GAB1: variants seen among roughly 807,000 people sequenced by gnomAD.
The protein encoded by GAB1 is GRB2-associated-binding protein 1.
In GAB1, 19 loss-of-function variants were observed where a neutral mutation model predicts 66.5. That is an observed-to-expected ratio of 0.29 (90% CI 0.20 to 0.42). The LOEUF is 0.42. GAB1 is among the 10% of genes least tolerant of loss of function. The probability of loss-of-function intolerance (pLI) is 1.00; values close to 1 mark genes in which losing one functional copy is unlikely to be tolerated. For synonymous variants in GAB1, 294 were observed against 301.4 expected, an observed-to-expected ratio of 0.98 and a Z score of 0.25; for missense variants, 732 against 858.5, an observed-to-expected ratio of 0.85 and a Z score of 1.84.
chr4:143,359,191 T>C (rs1223254073), intron 1 of GAB1, among the ~76,000 whole-genome samples: 1 of 152,224 alleles, frequency 6.6e-6, no homozygotes, highest in Non-Finnish European at 1.5e-5. Context: ...GCCATTTCCG[T>C]TTTCTCTGAG....
At chr4:143,444,578 T>C (rs947819594) in intron 6 of GAB1, among the ~76,000 whole-genome samples, 3 of 152,188 alleles carry the variant, frequency 2.0e-5, no homozygotes, top group African/African-American at 7.2e-5. Flanking sequence ...TGATTAAAAA[T>C]TAACATGCAC....
Position 143,401,687 on chromosome 4 carries a change from C to T in GAB1, c.73-13790C>T, listed in dbSNP as rs188041643. ...AAAATTAAGGAATTAAAAATTTAAA[C>T]CTGCCTCAGAAGGTTGTATGGCTCC... is the stretch of plus-strand genomic sequence containing the variant. On this transcript the variant is annotated intron_variant, in intron 1 of 9. Coordinates refer to ENST00000262994, the MANE Select transcript of GAB1 (RefSeq NM_002039.4). 5.8e-3 allele frequency among the ~76,000 whole-genome samples: 890 copies of T among 152,174 alleles called. 8 individuals carry two copies. Among genetic ancestry groups the T allele is most frequent in the South Asian group, 0.015 (71 of 4,820 alleles).
At chr4:143,345,926 C>T (rs1728971762) in intron 1 of GAB1, among the ~76,000 whole-genome samples, 1 of 152,228 alleles carries the variant, frequency 6.6e-6, no homozygotes, top group Admixed American at 6.5e-5. Context: ...GACAGGGTCT[C>T]TACATTCCCC....
chr4:143,425,324 T>C (rs1408851744), intron 2 of GAB1: 4 of 790,588 alleles, frequency 5.1e-6, no homozygotes, highest in Non-Finnish European at 9.0e-6. Context: ...AGTTTGCTGC[T>C]GCCACTGGAG....
chr4:143,375,186 G>A (rs898489286), intron 1 of GAB1, among the ~76,000 whole-genome samples: 1 of 152,190 alleles, frequency 6.6e-6, no homozygotes. Flanking sequence ...GAGCTCAGGC[G>A]ATGTGCCCGC....
At chr4:143,389,472 C>T (rs753417272) in intron 1 of GAB1, among the ~76,000 whole-genome samples, 20 of 152,158 alleles carry the variant, frequency 1.3e-4, no homozygotes, top group Non-Finnish European at 2.6e-4. Flanking sequence ...ACAGCAGGCG[C>T]TTGTAGCATA....
At chr4:143,368,909 C>T (rs552400266) in intron 1 of GAB1, among the ~76,000 whole-genome samples, 381 of 152,156 alleles carry the variant, frequency 2.5e-3, no homozygotes, top group Non-Finnish European at 4.6e-3. Flanking sequence ...CTTAGCCTCC[C>T]GAGTAGCTGA....
rs35559967 is a variant in GAB1 at position 143,423,792 on chromosome 4, G to GTATATATATATATA, written c.367+8053_367+8066dup. Among the ~76,000 whole-genome samples the GTATATATATATATA allele has an allele frequency of 6.6e-4, 45 of 67,754 alleles. 1 individual carries two copies. The highest frequency in any genetic ancestry group is 9.1e-4 in the South Asian group (1 of 1,096). 44.4% of individuals were successfully genotyped at this position (67,754 alleles called of 152,430 possible). On this transcript the variant is annotated intron_variant, in intron 2 of 9. Coordinates refer to ENST00000262994, the MANE Select transcript of GAB1 (RefSeq NM_002039.4). ...CTCCATCTCAAAAAAAAAAAAAAGT[G>GTATATATATATATA]TATATATATATATATATATATATAT...
At chr4:143,468,116 G>A (rs746506173) in intron 9 of GAB1, among the ~76,000 whole-genome samples, 8 of 151,940 alleles carry the variant, frequency 5.3e-5, no homozygotes, top group Non-Finnish European at 7.4e-5. Context: ...AAGTTGACAG[G>A]AGAATCAGGT....
intron 1 of GAB1, among the ~76,000 whole-genome samples, chr4:143,414,727 A>T (rs1192924027): frequency 6.6e-6 from 1 of 152,242 alleles, no homozygotes; most frequent in Non-Finnish European, 1.5e-5. Context: ...CTTATGAAGA[A>T]GCAGCTTTAT....
chr4:143,440,048 G>A (rs1734139277), intron 5 of GAB1, 31 bp from the exon 6 acceptor site: 3 of 1,576,664 alleles, frequency 1.9e-6, no homozygotes, highest in East Asian at 2.3e-5. Context: ...AAGAGTTTTT[G>A]TTTATTAAAA....
At chr4:143,405,892 A>G (rs558869440) in intron 1 of GAB1, among the ~76,000 whole-genome samples, 1 of 152,286 alleles carries the variant, frequency 6.6e-6, no homozygotes, top group South Asian at 2.1e-4. Flanking sequence ...TCCAAATGGA[A>G]AAGATGAGTT....
At chr4:143,455,908 A>G (rs946350914) in intron 6 of GAB1, among the ~76,000 whole-genome samples, 2 of 152,180 alleles carry the variant, frequency 1.3e-5, no homozygotes, top group Non-Finnish European at 2.9e-5. Context: ...AAGGTAAGAC[A>G]GTGTGGTATA....
Position 143,431,308 on chromosome 4 carries a change from CAG to C in GAB1, c.368-2180_368-2179del, listed in dbSNP as rs1233071412. ...AATTTCTGGGGTTTCATGAGGAAAA[CAG>C]AGGTCTCTCCCCTCTCATGCAAGAA... On this transcript the variant is annotated intron_variant, in intron 2 of 9. Transcript: ENST00000262994. Among the ~76,000 whole-genome samples, 5 of 152,244 alleles carry C rather than the reference CAG, an allele frequency of 3.3e-5. No homozygotes were observed. The East Asian group carries it at 7.7e-4, about 23-fold the overall frequency.
chr4:143,431,786 A>G (rs1282244946), intron 2 of GAB1, among the ~76,000 whole-genome samples: 3 of 152,208 alleles, frequency 2.0e-5, no homozygotes, highest in Non-Finnish European at 4.4e-5. Context: ...CCTGCAGCAA[A>G]GTTTGCTACT....
chr4:143,408,814 A>G (rs946799905), intron 1 of GAB1, among the ~76,000 whole-genome samples: 7 of 152,244 alleles, frequency 4.6e-5, no homozygotes, highest in African/African-American at 1.7e-4. Flanking sequence ...TTCCTTAAAT[A>G]TCAGTTGTGA....
In GAB1 at chr4:143,341,265, CAAGT is replaced by C. The variant is rs368208221; in HGVS notation, c.72+4008_72+4011del. ...TTACTGTCACTAGGATTACAGAAAA[CAAGT>C]AAAGTCTTGGTAGTATGCACTCAAC... On this transcript the variant is annotated intron_variant, in intron 1 of 9. Transcript: ENST00000262994. Among the ~76,000 whole-genome samples, 186 of 152,196 alleles carry C rather than the reference CAAGT, an allele frequency of 1.2e-3. 2 individuals carry two copies. The highest frequency in any genetic ancestry group is 3.9e-3 in the African/African-American group (162 of 41,522).
intron 6 of GAB1, among the ~76,000 whole-genome samples, chr4:143,452,251 T>A (rs905569817): frequency 6.6e-6 from 1 of 152,144 alleles, no homozygotes; most frequent in Non-Finnish European, 1.5e-5. Flanking sequence ...CCTGCAATGC[T>A]GTTTTGTTTG....
intron 1 of GAB1, chr4:143,343,565 A>G (rs1238414555): frequency 1.3e-5 from 2 of 154,802 alleles, no homozygotes; most frequent in Non-Finnish European, 2.9e-5. Flanking sequence ...GGAAAGGCCC[A>G]CTCTCTGCCC....
Sources: gnomAD v4.1 joint callset for allele counts (sites outside exome capture counted in the v4.1 genomes callset) on GRCh38, gnomAD v4.1.1 for gene constraint, MANE v1.5 for transcripts, NCBI Gene and HGNC (gene_info 2026-07-23, HGNC 2026-07-21) for gene names.